Variants in SLC14A2 observed in about 807,000 individuals in gnomAD.
The protein encoded by SLC14A2 is solute carrier family 14 member 2, also known as urea transporter 2.
SLC14A2 carries 91 observed loss-of-function variants against 104.6 expected under a neutral mutation model. That is an observed-to-expected ratio of 0.87 (90% CI 0.73 to 1.04). The LOEUF is 1.04. Ranked by LOEUF, SLC14A2 falls within the 50% of genes least tolerant of loss-of-function variation. The probability of loss-of-function intolerance (pLI) is 0.00; values close to 1 mark genes in which losing one functional copy is unlikely to be tolerated. For missense variants in SLC14A2, 1,189 were observed against 1,156.0 expected (o/e 1.03, Z -0.41); for synonymous variants, 476 against 466.4 (o/e 1.02, Z -0.27).
chr18:45,383,119 CA>C (rs2144387700), intron 1 of SLC14A2, among the ~76,000 whole-genome samples: 1 of 152,280 alleles, frequency 6.6e-6, no homozygotes, highest in East Asian at 1.9e-4. Flanking sequence ...GACAGAAAAG[CA>C]AACTAAAAAC....
intron 2 of SLC14A2, among the ~76,000 whole-genome samples, chr18:45,593,819 TA>T (rs1256417281): frequency 6.6e-6 from 1 of 152,208 alleles, no homozygotes; most frequent in Admixed American, 6.5e-5. Flanking sequence ...AAAGGGTGAA[TA>T]AAAGGATTTT....
chr18:45,260,760 T>A (rs2084527105), intron 1 of SLC14A2, among the ~76,000 whole-genome samples: 1 of 152,096 alleles, frequency 6.6e-6, no homozygotes, highest in Admixed American at 6.6e-5. Context: ...ATCAACAATG[T>A]ACTGGCATTT....
At chr18:45,551,461 G>A (rs1181567986) in intron 2 of SLC14A2, among the ~76,000 whole-genome samples, 1 of 152,244 alleles carries the variant, frequency 6.6e-6, no homozygotes, top group Non-Finnish European at 1.5e-5. Context: ...AGCTACCGCT[G>A]TTGGGACAAC....
At chr18:45,532,129 T>A (rs536204588) in intron 2 of SLC14A2, among the ~76,000 whole-genome samples, 4 of 152,342 alleles carry the variant, frequency 2.6e-5, no homozygotes, top group East Asian at 3.9e-4. Flanking sequence ...TGAAGTCAGG[T>A]AGCATGATGC....
At chr18:45,475,619 G>GATAT (rs200761666) in intron 1 of SLC14A2, among the ~76,000 whole-genome samples, 25,953 of 68,218 alleles carry the variant, frequency 0.38, 5,670 homozygotes, top group East Asian at 0.6. Flanking sequence ...ATATATTTAG[G>GATAT]ATATATATAT....
chr18:45,420,751 T>A (rs1158169835), intron 1 of SLC14A2, among the ~76,000 whole-genome samples: 2 of 151,606 alleles, frequency 1.3e-5, no homozygotes, highest in African/African-American at 4.8e-5. Flanking sequence ...TATTATTATT[T>A]TTTTTTTTGA....
chr18:45,624,615 C>G lies in SLC14A2; in HGVS notation c.-34-16C>G, dbSNP rs1213588575. On this transcript the variant is annotated splice_polypyrimidine_tract_variant and intron_variant, in intron 1 of 19. Coordinates refer to ENST00000255226, the MANE Select transcript of SLC14A2 (RefSeq NM_007163.4). ...CCGTCCTGACTCACTAGCTCTTTCCCTTTCCTTCCGTCTAGTCCATCGATA... is the reference window on the plus strand; with the variant it reads ...CCGTCCTGACTCACTAGCTCTTTCCGTTTCCTTCCGTCTAGTCCATCGATA... 1 of 1,568,866 alleles carries G rather than the reference C, an allele frequency of 6.4e-7. No homozygotes were observed.
intron 1 of SLC14A2, among the ~76,000 whole-genome samples, chr18:45,250,987 A>T (rs1035726137): frequency 1.3e-5 from 2 of 151,830 alleles, no homozygotes; most frequent in Non-Finnish European, 2.9e-5. Context: ...GGTTGAGAAA[A>T]CTTCATAATT....
chr18:45,615,027 C>G (rs1008334666), upstream of SLC14A2: 1 of 152,188 alleles, frequency 6.6e-6, no homozygotes, highest in South Asian at 2.1e-4. Context: ...GAACTTCTGA[C>G]GTCAAGTGAT....
chr18:45,480,326 C>T (rs370833384), intron 1 of SLC14A2, among the ~76,000 whole-genome samples: 5 of 152,090 alleles, frequency 3.3e-5, no homozygotes, highest in African/African-American at 1.2e-4. Flanking sequence ...CTTTCTTCAC[C>T]TTGAGTTTCC....
chr18:45,342,788 G>T (rs1459993132), intron 1 of SLC14A2, among the ~76,000 whole-genome samples: 2 of 152,156 alleles, frequency 1.3e-5, no homozygotes, highest in African/African-American at 4.8e-5. Flanking sequence ...TAACGTCCAA[G>T]ACCTTTCCAT....
intron 1 of SLC14A2, among the ~76,000 whole-genome samples, chr18:45,403,234 A>T (rs902293849): frequency 5.9e-5 from 9 of 152,108 alleles, no homozygotes; most frequent in Non-Finnish European, 7.4e-5. Context: ...TCTTATAAAG[A>T]CACCAGTCCT....
rs189203051 is a variant in SLC14A2 at position 45,255,202 on chromosome 18, C to T, written c.-125+42011C>T. Among the ~76,000 whole-genome samples, 67 of 152,290 alleles carry T rather than the reference C, an allele frequency of 4.4e-4. 1 individual carries two copies. The highest frequency in any genetic ancestry group is 1.3e-3 in the African/African-American group (53 of 41,550). On this transcript the variant is annotated intron_variant, in intron 1 of 20. Coordinates refer to the SLC14A2 transcript ENST00000586448. ...GGCTCTGCATTTATATCCACCCAGA[C>T]TTTCTCCCTCTCCCAGGGGCTTGCT... is the stretch of plus-strand genomic sequence containing the variant.
At chr18:45,439,064 C>T (rs557487463) in intron 1 of SLC14A2, among the ~76,000 whole-genome samples, 13 of 152,216 alleles carry the variant, frequency 8.5e-5, no homozygotes, top group South Asian at 4.2e-4. Flanking sequence ...AAGGGAGGAT[C>T]ACTTGAGGGC....
intron 1 of SLC14A2, among the ~76,000 whole-genome samples, chr18:45,312,202 C>T (rs2144218594): frequency 6.6e-6 from 1 of 152,256 alleles, no homozygotes; most frequent in South Asian, 2.1e-4. Context: ...ACATACATAG[C>T]ACTTAACGTG....
chr18:45,281,929 G>A (rs756606358), intron 1 of SLC14A2, among the ~76,000 whole-genome samples: 2 of 152,122 alleles, frequency 1.3e-5, no homozygotes, highest in Non-Finnish European at 2.9e-5. Context: ...CTGGCACCTG[G>A]CTGCCTCCCC....
chr18:45,673,193 G>T (rs2046170843), intron 17 of SLC14A2, 146 bp downstream of exon 17: 1 of 804,086 alleles, frequency 1.2e-6, no homozygotes, highest in Non-Finnish European at 1.9e-6. Context: ...CTCCGTTTTT[G>T]ATCTAGCCCC....
chr18:45,446,456 C>A (rs1180768014), intron 1 of SLC14A2, among the ~76,000 whole-genome samples: 4 of 152,168 alleles, frequency 2.6e-5, no homozygotes, highest in Admixed American at 6.5e-5. Context: ...AGAAAGCCCT[C>A]ACCAAAGACC....
chr18:45,272,108 A>T (rs924563375), intron 1 of SLC14A2, among the ~76,000 whole-genome samples: 1 of 152,096 alleles, frequency 6.6e-6, no homozygotes, highest in African/African-American at 2.4e-5. Context: ...GCTGATAAGG[A>T]TGTGGAGAAA....
Sources: allele counts gnomAD v4.1 joint callset (sites outside exome capture counted in the v4.1 genomes callset), GRCh38; gene constraint gnomAD v4.1.1; transcripts MANE v1.5; gene names NCBI Gene and HGNC (gene_info 2026-07-23, HGNC 2026-07-21).